The following EPB41L4A variants were observed in gnomAD, a reference collection of about 807,000 sequenced individuals.
EPB41L4A encodes the protein erythrocyte membrane protein band 4.1 like 4A.
Under a neutral mutation model 108.6 loss-of-function variants are expected in EPB41L4A, and 100 were observed. The observed-to-expected ratio is 0.92, with a 90% CI of 0.78 to 1.09. The LOEUF is 1.09. EPB41L4A is among the 50% of genes least tolerant of loss of function. The pLI, the probability that EPB41L4A is intolerant of heterozygous loss-of-function variation, is 0.00. For synonymous variants in EPB41L4A, 319 were observed against 289.0 expected, an observed-to-expected ratio of 1.10 and a Z score of -1.05; for missense variants, 1,030 against 842.7, an observed-to-expected ratio of 1.22 and a Z score of -2.75.
intron 12 of EPB41L4A, among the ~76,000 whole-genome samples, chr5:112,216,025 C>T (rs904915991): frequency 6.6e-6 from 1 of 152,182 alleles, no homozygotes; most frequent in Non-Finnish European, 1.5e-5. Flanking sequence ...TTTTAATACA[C>T]TATATCCAAA....
At chr5:112,265,460 G>C (rs1356658118) in intron 5 of EPB41L4A, among the ~76,000 whole-genome samples, 1 of 152,030 alleles carries the variant, frequency 6.6e-6, no homozygotes, top group Admixed American at 6.5e-5. Flanking sequence ...GCAATACAAT[G>C]CTGCACATAT....
chr5:112,390,384 A>C (rs1760854745), intron 1 of EPB41L4A, among the ~76,000 whole-genome samples: 1 of 152,198 alleles, frequency 6.6e-6, no homozygotes, highest in East Asian at 1.9e-4. Context: ...ACAGAACACC[A>C]GGAGATTACA....
In EPB41L4A at chr5:112,194,607, G is replaced by A. The variant is rs1761869217; in HGVS notation, c.1463C>T (p.Ser488Leu). The A allele has an allele frequency of 1.9e-6, 3 of 1,605,650 alleles. No individual in the cohort carries two copies. The East Asian group carries it at 6.7e-5, about 36-fold the overall frequency. ...CCGGTATTCTCTATTAGAATTTTCT[G>A]ATTCACTACCACTGCTGGTGTTACA... ...SRCNTSSGSE[S>L]ENSNREYRKK... Residue 488 changes from serine (S) to leucine (L), a missense_variant, in exon 17 of 23, where the codon TCA becomes TTA. Physicochemically the swap from Ser to Leu is moderately radical, Grantham distance 145. Transcript: ENST00000261486.
At chr5:112,165,155 G>T in intron 22 of EPB41L4A, 37 bp from the exon 23 acceptor site, 1 of 1,499,550 alleles carries the variant, frequency 6.7e-7, no homozygotes, top group South Asian at 1.2e-5. Context: ...AGATTCAGAA[G>T]AAAACAGCCA....
chr5:112,392,542 A>G lies in EPB41L4A; in HGVS notation c.99+26399T>C, dbSNP rs1032663439. On this transcript the variant is annotated intron_variant, in intron 1 of 22. Transcript: ENST00000261486. ...ATCAATTCAACAAGAAGAGCTAACT[A>G]TCCTAAATATATATGCACTCAATAC... Among the ~76,000 whole-genome samples, 7 of 152,312 alleles carry G rather than the reference A, an allele frequency of 4.6e-5. No individual in the cohort carries two copies. The East Asian group carries it at 1.3e-3, about 29-fold the overall frequency.
intron 9 of EPB41L4A, among the ~76,000 whole-genome samples, chr5:112,258,996 T>C (rs999972349): frequency 6.6e-6 from 1 of 152,190 alleles, no homozygotes; most frequent in Non-Finnish European, 1.5e-5. Flanking sequence ...TCCTCTGCCT[T>C]AGAAAGGTTT....
chr5:112,218,845 G>A (rs1747832412), intron 12 of EPB41L4A, among the ~76,000 whole-genome samples: 1 of 152,060 alleles, frequency 6.6e-6, no homozygotes, highest in Non-Finnish European at 1.5e-5. Flanking sequence ...AATGTACCTT[G>A]TGCTTGTTTC....
chr5:112,186,452 T>G (rs1017153483), intron 17 of EPB41L4A, among the ~76,000 whole-genome samples: 3 of 152,180 alleles, frequency 2.0e-5, no homozygotes, highest in Admixed American at 6.5e-5. Flanking sequence ...ATAATAGTAA[T>G]AAGGACCAAA....
intron 12 of EPB41L4A, among the ~76,000 whole-genome samples, chr5:112,232,379 T>C (rs1749021255): frequency 6.6e-6 from 1 of 152,218 alleles, no homozygotes; most frequent in Non-Finnish European, 1.5e-5. Flanking sequence ...CCAAACTGCC[T>C]TTCACGTCTT....
At chr5:112,259,148 T>C in intron 9 of EPB41L4A, 81 bp downstream of exon 9, 2 of 1,109,116 alleles carry the variant, frequency 1.8e-6, no homozygotes, top group South Asian at 1.3e-5. Flanking sequence ...AAGAAAACAT[T>C]TCTTCACAAT....
intron 1 of EPB41L4A, among the ~76,000 whole-genome samples, chr5:112,400,428 C>G (rs1761668696): frequency 1.3e-5 from 2 of 152,026 alleles, no homozygotes; most frequent in South Asian, 2.1e-4. Context: ...GTTCTACAGG[C>G]AGTACAAGCA....
intron 16 of EPB41L4A, 23 bp from the exon 17 acceptor site, chr5:112,194,668 A>G (rs774585992): frequency 3.2e-6 from 5 of 1,556,982 alleles, no homozygotes; most frequent in Non-Finnish European, 4.4e-6. Context: ...AGGTAAGAAC[A>G]AAAGAAAAAA....
intron 1 of EPB41L4A, among the ~76,000 whole-genome samples, chr5:112,330,236 G>C (rs539085383): frequency 1.1e-4 from 17 of 151,702 alleles, no homozygotes; most frequent in Admixed American, 9.8e-4. Flanking sequence ...TCATTTGCAG[G>C]GCAGTCCCTG....
At chr5:112,386,473 G>A (rs1486077694) in intron 1 of EPB41L4A, among the ~76,000 whole-genome samples, 1 of 151,988 alleles carries the variant, frequency 6.6e-6, no homozygotes, top group Non-Finnish European at 1.5e-5. Flanking sequence ...CCTCTACATG[G>A]CCCAATACTT....
chr5:112,345,778 TATACACACACACAC>T (rs57145424), intron 1 of EPB41L4A, among the ~76,000 whole-genome samples: 18,374 of 130,740 alleles, frequency 0.14, 1,297 homozygotes, highest in African/African-American at 0.16. Context: ...CATATATATA[TATACACACACACAC>T]ACACACACAC....
intron 9 of EPB41L4A, among the ~76,000 whole-genome samples, chr5:112,251,740 A>G (rs1398612060): frequency 6.6e-6 from 1 of 152,194 alleles, no homozygotes; most frequent in African/African-American, 2.4e-5. Flanking sequence ...TACATATTAA[A>G]AAATAAAATT....
At position 112,419,085 on chromosome 5, in the gene EPB41L4A, G is replaced by A; in HGVS notation, c.-46C>T. 7.0e-7 allele frequency: 1 copy of A among 1,430,952 alleles called. No homozygotes were observed. Among genetic ancestry groups the A allele is most frequent in the Non-Finnish European group, 9.8e-7 (1 of 1,016,322 alleles). 88.6% of individuals were successfully genotyped at this position (1,430,952 alleles called of 1,614,324 possible). On this transcript the variant is annotated 5_prime_UTR_variant, in exon 1 of 23. Transcript: ENST00000261486. ...GCCAGGAGAGAAAGCTACCACCGAG[G>A]CGCCCAGCCGCCCCCTCCACTCAAG...
intron 1 of EPB41L4A, among the ~76,000 whole-genome samples, chr5:112,366,958 T>A (rs879496479): frequency 5.9e-5 from 9 of 152,134 alleles, no homozygotes; most frequent in Non-Finnish European, 1.3e-4. Flanking sequence ...AACAGAGCCA[T>A]CTCCGCCACT....
At position 112,419,127 on chromosome 5, in the gene EPB41L4A, A is replaced by C; in HGVS notation, c.-88T>G. The C allele has an allele frequency of 1.0e-6, 1 of 994,780 alleles. No homozygotes were observed. The highest frequency in any genetic ancestry group is 1.6e-6 in the Non-Finnish European group (1 of 637,796). The allele number at this position is 994,780 out of a possible 1,614,324, so 61.6% of individuals were successfully genotyped here. On this transcript the variant is annotated 5_prime_UTR_variant, in exon 1 of 23. Transcript: ENST00000261486. Reference sequence around the variant, plus strand: ...CCACTCAAGCGCGATGCATTAATTTATTGTCCGCGCCGTGGCGAGGGTGAG... The same window carrying C: ...CCACTCAAGCGCGATGCATTAATTTCTTGTCCGCGCCGTGGCGAGGGTGAG...
Sources: allele counts gnomAD v4.1 joint callset (sites outside exome capture counted in the v4.1 genomes callset), GRCh38; gene constraint gnomAD v4.1.1; transcripts MANE v1.5; gene names NCBI Gene and HGNC (gene_info 2026-07-23, HGNC 2026-07-21).